The following SPOCK3 variants were observed in gnomAD, a reference collection of about 807,000 sequenced individuals.
The protein encoded by SPOCK3 is SPARC (osteonectin), cwcv and kazal like domains proteoglycan 3, also known as testican-3.
SPOCK3 carries 30 observed loss-of-function variants against 56.6 expected under a neutral mutation model. The observed-to-expected ratio is 0.53, with a 90% CI of 0.40 to 0.72. SPOCK3 has a LOEUF of 0.72. SPOCK3 is among the 30% of genes least tolerant of loss of function. The pLI is 0.00. For missense variants in SPOCK3, 527 were observed against 530.0 expected, an observed-to-expected ratio of 0.99 and a Z score of 0.06; for synonymous variants, 196 against 183.3, an observed-to-expected ratio of 1.07 and a Z score of -0.56.
At chr4:166,998,280 T>C (rs557220277) in intron 4 of SPOCK3, among the ~76,000 whole-genome samples, 7 of 152,248 alleles carry the variant, frequency 4.6e-5, no homozygotes, top group Non-Finnish European at 1.0e-4. Flanking sequence ...ACTAAAAGCA[T>C]ATTAGTCTCC....
intron 2 of SPOCK3, among the ~76,000 whole-genome samples, chr4:167,126,048 C>G (rs1235216447): frequency 6.6e-6 from 1 of 152,190 alleles, no homozygotes; most frequent in Non-Finnish European, 1.5e-5. Context: ...CTAACCACAA[C>G]AGAGGCTTGA....
chr4:166,902,330 G>A (rs1410930796), intron 5 of SPOCK3, among the ~76,000 whole-genome samples: 2 of 151,874 alleles, frequency 1.3e-5, no homozygotes, highest in African/African-American at 2.4e-5. Flanking sequence ...CTAGACTTGG[G>A]TTTCTTCTTA....
chr4:167,048,906 C>T (rs1009130684), intron 3 of SPOCK3, among the ~76,000 whole-genome samples: 2 of 151,996 alleles, frequency 1.3e-5, no homozygotes, highest in African/African-American at 4.8e-5. Flanking sequence ...TGTAAAAGTG[C>T]TTGTTTACTT....
intron 3 of SPOCK3, among the ~76,000 whole-genome samples, chr4:167,055,966 A>C (rs1017708709): frequency 7.9e-5 from 12 of 152,304 alleles, no homozygotes; most frequent in South Asian, 2.1e-4. Flanking sequence ...TCCCAGCACG[A>C]AGCTGGAGAT....
chr4:167,100,245 T>C (rs1329185641), intron 2 of SPOCK3, among the ~76,000 whole-genome samples: 1 of 152,144 alleles, frequency 6.6e-6, no homozygotes, highest in East Asian at 1.9e-4. Context: ...TTGTTAGACG[T>C]CCTCTCTTTC....
chr4:166,923,245 T>C (rs62352344), intron 4 of SPOCK3, among the ~76,000 whole-genome samples: 29,211 of 152,202 alleles, frequency 0.19, 3,148 homozygotes, highest in South Asian at 0.26. Context: ...CTTATAAGGA[T>C]ACATGTGATT....
chr4:166,739,224 T>C (rs1419667382), intron 9 of SPOCK3, among the ~76,000 whole-genome samples: 1 of 152,122 alleles, frequency 6.6e-6, no homozygotes, highest in Non-Finnish European at 1.5e-5. Context: ...TGGCCAGTGA[T>C]GGTGAGCATT....
At chr4:167,120,889 A>G (rs536929180) in intron 2 of SPOCK3, among the ~76,000 whole-genome samples, 3 of 152,014 alleles carry the variant, frequency 2.0e-5, no homozygotes, top group Non-Finnish European at 4.4e-5. Context: ...ATTTAAATCA[A>G]TTCCAACATT....
intron 2 of SPOCK3, among the ~76,000 whole-genome samples, chr4:167,205,388 TA>T (rs1734086188): frequency 7.2e-5 from 3 of 41,742 alleles, no homozygotes; most frequent in East Asian, 1.0e-3. Context: ...ATAATATATA[TA>T]TTTTATATAT....
At position 166,873,393 on chromosome 4, in the gene SPOCK3, A is replaced by G. The variant is rs143555625; in HGVS notation, c.589+15737T>C. On this transcript the variant is annotated intron_variant, in intron 6 of 10. Coordinates refer to ENST00000357545, the MANE Select transcript of SPOCK3 (RefSeq NM_001040159.2). ...ACAAGAGTGAACCTGAATGTAAACTATGAACTTTGGGTGATAATGATATAT... is the reference window on the plus strand; with the variant it reads ...ACAAGAGTGAACCTGAATGTAAACTGTGAACTTTGGGTGATAATGATATAT... Among the ~76,000 whole-genome samples the G allele has an allele frequency of 3.5e-3, 528 of 152,240 alleles. 5 individuals are homozygous for G. The highest frequency in any genetic ancestry group is 0.012 in the African/African-American group (482 of 41,558).
At chr4:166,908,358 C>A (rs961029249) in intron 5 of SPOCK3, among the ~76,000 whole-genome samples, 1 of 145,060 alleles carries the variant, frequency 6.9e-6, no homozygotes, top group Admixed American at 7.0e-5. Flanking sequence ...TGAAGGGATG[C>A]ACAGTGATTC....
At chr4:166,809,554 A>C (rs1361110814) in intron 6 of SPOCK3, among the ~76,000 whole-genome samples, 1 of 152,110 alleles carries the variant, frequency 6.6e-6, no homozygotes, top group East Asian at 1.9e-4. Context: ...AGATGTTGAA[A>C]TAGAATAATA....
intron 6 of SPOCK3, among the ~76,000 whole-genome samples, chr4:166,861,277 G>A (rs1347688874): frequency 6.6e-6 from 1 of 152,074 alleles, no homozygotes; most frequent in Non-Finnish European, 1.5e-5. Context: ...AAAAGAATAA[G>A]AGTCTTTCTC....
chr4:167,011,303 C>T (rs1165469868), intron 3 of SPOCK3: 1 of 455,958 alleles, frequency 2.2e-6, no homozygotes, highest in South Asian at 1.5e-5. Flanking sequence ...AAGGAGAGAG[C>T]TGGAAATGTC....
chr4:167,110,198 G>T (rs1355849089), intron 2 of SPOCK3, among the ~76,000 whole-genome samples: 1 of 151,974 alleles, frequency 6.6e-6, no homozygotes, highest in Admixed American at 6.6e-5. Context: ...AACACCCTTT[G>T]TCCTATAATG....
intron 2 of SPOCK3, among the ~76,000 whole-genome samples, chr4:167,122,177 T>C (rs917295817): frequency 5.3e-5 from 8 of 151,906 alleles, no homozygotes; most frequent in Admixed American, 2.0e-4. Flanking sequence ...TCTTTCTCTC[T>C]CTTTCTTGAG....
At chr4:166,962,256 T>C (rs1744223384) in intron 4 of SPOCK3, among the ~76,000 whole-genome samples, 1 of 152,128 alleles carries the variant, frequency 6.6e-6, no homozygotes. Flanking sequence ...TGGATGTCTT[T>C]GTGAGGCCAT....
At chr4:166,966,479 C>T (rs1034164319) in intron 4 of SPOCK3, among the ~76,000 whole-genome samples, 1 of 152,080 alleles carries the variant, frequency 6.6e-6, no homozygotes, top group African/African-American at 2.4e-5. Flanking sequence ...TGTTTTTATG[C>T]GTCCTTCTGA....
At chr4:166,851,464 C>G (rs986279405) in intron 6 of SPOCK3, among the ~76,000 whole-genome samples, 5 of 152,300 alleles carry the variant, frequency 3.3e-5, no homozygotes, top group African/African-American at 1.2e-4. Flanking sequence ...CAAAGCTGGA[C>G]GGAGAATGAC....
Sources: gnomAD v4.1 joint callset for allele counts (sites outside exome capture counted in the v4.1 genomes callset) on GRCh38, gnomAD v4.1.1 for gene constraint, MANE v1.5 for transcripts, NCBI Gene and HGNC (gene_info 2026-07-23, HGNC 2026-07-21) for gene names.